The following KDM1A variants were observed in gnomAD, a reference collection of about 807,000 sequenced individuals.
KDM1A encodes the protein lysine demethylase 1A, also known as lysine-specific histone demethylase 1A.
Under a neutral mutation model 109.4 loss-of-function variants are expected in KDM1A, and 49 were observed. That is an observed-to-expected ratio of 0.45 (90% CI 0.36 to 0.57). KDM1A has a LOEUF of 0.57. KDM1A is among the 20% of genes least tolerant of loss of function. The probability of loss-of-function intolerance (pLI) is 0.00; values close to 1 mark genes in which losing one functional copy is unlikely to be tolerated. For missense variants in KDM1A, 668 were observed against 1,116.6 expected (o/e 0.60, Z 5.73); for synonymous variants, 380 against 415.4 (o/e 0.91, Z 1.04).
intron 13 of KDM1A, 36 bp from the exon 14 acceptor site, chr1:23,072,088 C>T (rs757837757): frequency 8.1e-6 from 11 of 1,352,656 alleles, no homozygotes; most frequent in Non-Finnish European, 1.0e-5. Context: ...ATATCTGACC[C>T]TTCAGGGTAA....
chr1:23,072,108 A>G lies in KDM1A; in HGVS notation c.1549-16A>G. 5 of 1,565,942 alleles carry G rather than the reference A, an allele frequency of 3.2e-6. No individual in the cohort carries two copies. In the Admixed American group the frequency reaches 6.8e-5, roughly 21 times the overall value. Reference sequence around the variant, plus strand: ...TGACCCTTCAGGGTAACTCAGGTTCACTTAATTTTTATCAGGAATATGATG... The same window carrying G: ...TGACCCTTCAGGGTAACTCAGGTTCGCTTAATTTTTATCAGGAATATGATG... On this transcript the variant is annotated splice_polypyrimidine_tract_variant and intron_variant, in intron 13 of 20. Transcript: ENST00000400181.
intron 8 of KDM1A, among the ~76,000 whole-genome samples, chr1:23,058,344 G>C (rs571057614): frequency 2.0e-5 from 3 of 152,126 alleles, no homozygotes; most frequent in African/African-American, 7.2e-5. Flanking sequence ...CTCCCAAAGT[G>C]CTAGGATTAC....
chr1:23,040,389 G>A (rs1330659829), intron 2 of KDM1A, among the ~76,000 whole-genome samples: 2 of 152,172 alleles, frequency 1.3e-5, no homozygotes, highest in Admixed American at 1.3e-4. Flanking sequence ...GCTTCAAGAA[G>A]GACTCTTAGA....
intron 3 of KDM1A, among the ~76,000 whole-genome samples, chr1:23,047,605 G>C (rs959783617): frequency 6.6e-6 from 1 of 152,058 alleles, no homozygotes; most frequent in Non-Finnish European, 1.5e-5. Flanking sequence ...AGTGATTTTT[G>C]ATAAGAACAT....
intron 2 of KDM1A, among the ~76,000 whole-genome samples, chr1:23,038,254 TTGTG>T (rs56016343): frequency 0.018 from 2,742 of 149,248 alleles, 50 homozygotes; most frequent in East Asian, 0.07. Context: ...CTGGAACTGT[TTGTG>T]TGTGTGTGTG....
At chr1:23,054,977 A>G in intron 5 of KDM1A, 92 bp from the exon 6 acceptor site, 3 of 787,984 alleles carry the variant, frequency 3.8e-6, no homozygotes, top group Non-Finnish European at 6.2e-6. Context: ...TAATGGTTTT[A>G]AGGACTTCAT....
At chr1:23,024,866 C>T (rs142055616) in intron 1 of KDM1A, among the ~76,000 whole-genome samples, 6 of 152,206 alleles carry the variant, frequency 3.9e-5, no homozygotes, top group Admixed American at 3.3e-4. Context: ...CAGTGTTTGG[C>T]GTATAATTAG....
chr1:23,059,754 AAGTC>A (rs1474451102), intron 9 of KDM1A, among the ~76,000 whole-genome samples: 6 of 152,214 alleles, frequency 3.9e-5, no homozygotes, highest in South Asian at 2.1e-4. Context: ...TAGATTACAT[AAGTC>A]AGTCCTAATT....
At chr1:23,021,310 G>C (rs1347085247) in intron 1 of KDM1A, among the ~76,000 whole-genome samples, 2 of 152,170 alleles carry the variant, frequency 1.3e-5, no homozygotes, top group East Asian at 3.8e-4. Context: ...AGTCAAGAGT[G>C]TTATTTTACG....
intron 9 of KDM1A, among the ~76,000 whole-genome samples, chr1:23,063,036 G>T (rs1034114145): frequency 6.6e-6 from 1 of 152,090 alleles, no homozygotes; most frequent in Admixed American, 6.5e-5. Flanking sequence ...CTGCTGAGGG[G>T]ACTGAAAGCA....
At chr1:23,021,530 G>A (rs1024245240) in intron 1 of KDM1A, among the ~76,000 whole-genome samples, 1 of 152,140 alleles carries the variant, frequency 6.6e-6, no homozygotes, top group Non-Finnish European at 1.5e-5. Context: ...CGGGCGTGGT[G>A]GCGGGCGCCT....
At chr1:23,024,619 T>C (rs1280597569) in intron 1 of KDM1A, among the ~76,000 whole-genome samples, 2 of 152,246 alleles carry the variant, frequency 1.3e-5, no homozygotes, top group South Asian at 2.1e-4. Context: ...GCTAAAATTA[T>C]GGCAAAATAT....
intron 9 of KDM1A, among the ~76,000 whole-genome samples, chr1:23,064,920 A>G (rs1643117673): frequency 6.6e-6 from 1 of 152,242 alleles, no homozygotes; most frequent in Admixed American, 6.5e-5. Flanking sequence ...ATCTGTTTAA[A>G]GTGATGTCCA....
chr1:23,053,875 G>T, intron 5 of KDM1A, 36 bp downstream of exon 5: 1 of 1,150,460 alleles, frequency 8.7e-7, no homozygotes, highest in Non-Finnish European at 1.3e-6. Context: ...ATTTGTACTG[G>T]ATTGTGAAAA....
At chr1:23,070,340 A>G (rs1358251485) in intron 12 of KDM1A, among the ~76,000 whole-genome samples, 1 of 152,138 alleles carries the variant, frequency 6.6e-6, no homozygotes, top group Non-Finnish European at 1.5e-5. Context: ...GCATGGTAGC[A>G]CACACCTGTA....
chr1:23,022,561 A>G (rs547532118), intron 1 of KDM1A, among the ~76,000 whole-genome samples: 1 of 149,254 alleles, frequency 6.7e-6, no homozygotes, highest in South Asian at 2.1e-4. Context: ...GCTGTTTCAA[A>G]CTCCTGACCT....
chr1:23,048,085 G>A (rs976757463), intron 3 of KDM1A, among the ~76,000 whole-genome samples: 1 of 152,124 alleles, frequency 6.6e-6, no homozygotes, highest in Non-Finnish European at 1.5e-5. Context: ...TTTTGGCAGG[G>A]AGAAGTGGAA....
At chr1:23,030,389 A>G (rs1293533582) in intron 1 of KDM1A, 80 bp from the exon 2 acceptor site, 7 of 1,100,686 alleles carry the variant, frequency 6.4e-6, no homozygotes, top group African/African-American at 4.8e-5. Flanking sequence ...AACAATTTAC[A>G]TTGACTGATG....
chr1:23,078,961 A>T (rs374198047), intron 16 of KDM1A, 29 bp from the exon 17 acceptor site: 1 of 1,597,584 alleles, frequency 6.3e-7, no homozygotes, highest in South Asian at 1.1e-5. Flanking sequence ...ATTCATCACC[A>T]CTAGTCTTTT....
Sources: allele counts gnomAD v4.1 joint callset (sites outside exome capture counted in the v4.1 genomes callset), GRCh38; gene constraint gnomAD v4.1.1; transcripts MANE v1.5; gene names NCBI Gene and HGNC (gene_info 2026-07-23, HGNC 2026-07-21).